The following KCNMB2 variants were observed in gnomAD, a reference collection of about 807,000 sequenced individuals.
KCNMB2 encodes the protein calcium-activated potassium channel subunit beta-2.
Under a neutral mutation model 24.5 loss-of-function variants are expected in KCNMB2, and 9 were observed. The ratio of observed to expected loss-of-function variants is 0.37; its 90% CI spans 0.22 to 0.64. KCNMB2 has a LOEUF of 0.64. Ranked by LOEUF, KCNMB2 falls within the 30% of genes least tolerant of loss-of-function variation. The probability of loss-of-function intolerance (pLI) is 0.63; values close to 1 mark genes in which losing one functional copy is unlikely to be tolerated. For missense variants in KCNMB2, 226 were observed against 284.3 expected (o/e 0.79, Z 1.47); for synonymous variants, 109 against 104.4 (o/e 1.04, Z -0.27).
intron 1 of KCNMB2, among the ~76,000 whole-genome samples, chr3:178,657,199 C>G (rs1720375805): frequency 6.6e-6 from 1 of 152,220 alleles, no homozygotes; most frequent in Non-Finnish European, 1.5e-5. Context: ...CTGCTACGAT[C>G]CCCACAAAAG....
At chr3:178,827,792 A>G (rs1287092273) in intron 3 of KCNMB2, among the ~76,000 whole-genome samples, 1 of 152,188 alleles carries the variant, frequency 6.6e-6, no homozygotes, top group Non-Finnish European at 1.5e-5. Flanking sequence ...AGTACAAAGT[A>G]AAACATACAG....
chr3:178,830,391 A>G (rs2108471587), intron 4 of KCNMB2, among the ~76,000 whole-genome samples: 1 of 152,214 alleles, frequency 6.6e-6, no homozygotes, highest in Admixed American at 6.5e-5. Context: ...ATAGTTTGGG[A>G]CTACTACAAG....
chr3:178,842,369 A>G (rs1715456464), intron 4 of KCNMB2, among the ~76,000 whole-genome samples: 1 of 152,242 alleles, frequency 6.6e-6, no homozygotes. Flanking sequence ...CGCATGCAAC[A>G]TGGAATGATT....
chr3:178,776,953 G>A (rs1481950519), intron 1 of KCNMB2, among the ~76,000 whole-genome samples: 2 of 152,092 alleles, frequency 1.3e-5, no homozygotes, highest in East Asian at 1.9e-4. Context: ...TCTTATGGGG[G>A]TTTCCGGCAA....
chr3:178,663,465 T>C (rs1026117914), intron 1 of KCNMB2, among the ~76,000 whole-genome samples: 6 of 152,156 alleles, frequency 3.9e-5, no homozygotes, highest in Non-Finnish European at 7.4e-5. Context: ...TGTCGGTTTC[T>C]CTTTTAACTC....
intron 1 of KCNMB2, among the ~76,000 whole-genome samples, chr3:178,587,694 C>A (rs887369312): frequency 2.0e-5 from 3 of 151,044 alleles, no homozygotes; most frequent in African/African-American, 7.3e-5. Context: ...GATCCGCCCA[C>A]CTCGGCCTCC....
intron 1 of KCNMB2, among the ~76,000 whole-genome samples, chr3:178,590,963 A>C (rs1011941061): frequency 6.6e-6 from 1 of 152,182 alleles, no homozygotes; most frequent in Non-Finnish European, 1.5e-5. Context: ...TTTCATTTCA[A>C]TGTTTTTTAT....
intron 1 of KCNMB2, among the ~76,000 whole-genome samples, chr3:178,789,097 G>C (rs1269409179): frequency 1.3e-5 from 2 of 152,176 alleles, no homozygotes; most frequent in Non-Finnish European, 2.9e-5. Context: ...TGAAGATTAG[G>C]AACCCAAAGC....
intron 1 of KCNMB2, among the ~76,000 whole-genome samples, chr3:178,589,018 T>C (rs1577031719): frequency 6.6e-6 from 1 of 152,206 alleles, no homozygotes; most frequent in South Asian, 2.1e-4. Context: ...CAGGCTTAAC[T>C]CAAACACTAA....
At chr3:178,791,626 AG>A (rs1227566771) in intron 1 of KCNMB2, among the ~76,000 whole-genome samples, 1 of 152,190 alleles carries the variant, frequency 6.6e-6, no homozygotes, top group Non-Finnish European at 1.5e-5. Flanking sequence ...ATTCAAGTAC[AG>A]GAAGGTTATA....
intron 1 of KCNMB2, among the ~76,000 whole-genome samples, chr3:178,609,222 T>C (rs747831620): frequency 2.0e-5 from 3 of 152,268 alleles, no homozygotes; most frequent in Non-Finnish European, 4.4e-5. Context: ...TAGTTTTGCA[T>C]TTCTCTGATG....
At chr3:178,708,466 A>C (rs1055701077) in intron 1 of KCNMB2, among the ~76,000 whole-genome samples, 2 of 152,166 alleles carry the variant, frequency 1.3e-5, no homozygotes, top group African/African-American at 4.8e-5. Context: ...CACCTGAGGA[A>C]ACTGAGGCAC....
intron 1 of KCNMB2, among the ~76,000 whole-genome samples, chr3:178,630,934 T>C (rs1719298117): frequency 6.6e-6 from 1 of 152,208 alleles, no homozygotes; most frequent in African/African-American, 2.4e-5. Context: ...GAAAGCAACT[T>C]TCAATTATCT....
chr3:178,693,972 C>T (rs1399439630), intron 1 of KCNMB2, among the ~76,000 whole-genome samples: 3 of 151,528 alleles, frequency 2.0e-5, no homozygotes, highest in Non-Finnish European at 4.4e-5. Context: ...GGATTAAACG[C>T]ATTCCTGTTT....
chr3:178,734,058 AG>A (rs1404798254), intron 1 of KCNMB2, among the ~76,000 whole-genome samples: 2 of 151,784 alleles, frequency 1.3e-5, no homozygotes, highest in Non-Finnish European at 3.0e-5. Flanking sequence ...CAACATCTAC[AG>A]GTTGAGTAGC....
chr3:178,565,660 A>C (rs941740440), intron 1 of KCNMB2, among the ~76,000 whole-genome samples: 7 of 152,226 alleles, frequency 4.6e-5, no homozygotes, highest in Non-Finnish European at 8.8e-5. Context: ...CCCAGAAGAC[A>C]TGGCTAGGTA....
intron 1 of KCNMB2, among the ~76,000 whole-genome samples, chr3:178,641,620 C>G (rs1012981117): frequency 6.6e-6 from 1 of 151,940 alleles, no homozygotes; most frequent in Non-Finnish European, 1.5e-5. Flanking sequence ...ATGAATAAAG[C>G]TTTTTTTTCT....
chr3:178,693,820 T>C (rs1338503482), intron 1 of KCNMB2, among the ~76,000 whole-genome samples: 1 of 152,166 alleles, frequency 6.6e-6, no homozygotes, highest in Non-Finnish European at 1.5e-5. Flanking sequence ...GTAGGAATTG[T>C]ACCAGCTCTT....
chr3:178,643,769 A>G (rs1719810617), intron 1 of KCNMB2, among the ~76,000 whole-genome samples: 1 of 152,076 alleles, frequency 6.6e-6, no homozygotes, highest in Admixed American at 6.5e-5. Context: ...AGGTACTTTC[A>G]AGGATTCCTC....
Sources: allele counts gnomAD v4.1 joint callset (sites outside exome capture counted in the v4.1 genomes callset), GRCh38; gene constraint gnomAD v4.1.1; transcripts MANE v1.5; gene names NCBI Gene and HGNC (gene_info 2026-07-23, HGNC 2026-07-21).